HS3ST1: variants seen among roughly 807,000 people sequenced by gnomAD.
HS3ST1 encodes the protein heparan sulfate glucosamine 3-O-sulfotransferase 1.
Under a neutral mutation model 20.7 loss-of-function variants are expected in HS3ST1, and 8 were observed. That is an observed-to-expected ratio of 0.39 (90% CI 0.23 to 0.70). The LOEUF (loss-of-function observed/expected upper bound fraction) is 0.70. Among genes scored for constraint, HS3ST1 ranks in the 30% least tolerant of loss-of-function variants. The pLI is 0.46. For synonymous variants in HS3ST1, 205 were observed against 190.4 expected (o/e 1.08, Z -0.63); for missense variants, 436 against 423.4 (o/e 1.03, Z -0.26).
At chr4:11,421,450 A>G (rs906236577) in intron 1 of HS3ST1, among the ~76,000 whole-genome samples, 1 of 152,224 alleles carries the variant, frequency 6.6e-6, no homozygotes, top group Non-Finnish European at 1.5e-5. Context: ...GCCCACTCTC[A>G]TTCCCTGCCA....
rs1012284991 is a variant in HS3ST1, at chr4:11,396,291, G to C, written c.*2791C>G. On this transcript the variant is annotated 3_prime_UTR_variant, in exon 2 of 2. Transcript: ENST00000002596. ...CAACCCTATCTGATTCCAGGAGGAAGGGAAAGGGAAGGGGCTGTTCTGACT... is the reference window on the plus strand; with the variant it reads ...CAACCCTATCTGATTCCAGGAGGAACGGAAAGGGAAGGGGCTGTTCTGACT... The C allele has an allele frequency of 1.3e-5, 2 of 152,292 alleles. No homozygotes were observed. The highest frequency in any genetic ancestry group is 2.9e-5 in the Non-Finnish European group (2 of 68,094). 9.4% of individuals were successfully genotyped at this position (152,292 alleles called of 1,614,324 possible). A position where few individuals can be genotyped will look rare whatever the true frequency, so the allele number is the denominator to read the frequency against.
intron 1 of HS3ST1, among the ~76,000 whole-genome samples, chr4:11,426,487 C>G (rs921655879): frequency 1.3e-5 from 2 of 151,826 alleles, no homozygotes; most frequent in Non-Finnish European, 2.9e-5. Flanking sequence ...CTAGACATAA[C>G]CACAGGAAAG....
chr4:11,401,154 TG>T (rs111269937), intron 1 of HS3ST1, among the ~76,000 whole-genome samples: 49 of 152,304 alleles, frequency 3.2e-4, no homozygotes, highest in African/African-American at 1.2e-3. Flanking sequence ...CTAAAATAAT[TG>T]GGGATGGTTT....
chr4:11,400,028 C>G lies in HS3ST1; in HGVS notation c.-23G>C, dbSNP rs1405701411. ...CATGCTGGACACCACGGTGGCTTCACTGGGCCGCGCGCCGCTGGGTCATGA... is the reference window on the plus strand; with the variant it reads ...CATGCTGGACACCACGGTGGCTTCAGTGGGCCGCGCGCCGCTGGGTCATGA... On this transcript the variant is annotated 5_prime_UTR_variant, in exon 2 of 2. Coordinates refer to ENST00000002596, the MANE Select transcript of HS3ST1 (RefSeq NM_005114.4). 1.5e-5 allele frequency: 22 copies of G among 1,471,684 alleles called. No individual in the cohort carries two copies. The highest frequency in any genetic ancestry group is 2.0e-5 in the Non-Finnish European group (22 of 1,114,678). 91.2% of individuals were successfully genotyped at this position (1,471,684 alleles called of 1,614,324 possible).
At chr4:11,414,724 A>G (rs532063624) in intron 1 of HS3ST1, among the ~76,000 whole-genome samples, 1 of 152,306 alleles carries the variant, frequency 6.6e-6, no homozygotes, top group South Asian at 2.1e-4. Flanking sequence ...AAGCTTTGGA[A>G]ATTGTGTTGA....
chr4:11,398,828 T>A lies in HS3ST1; in HGVS notation c.*254A>T. ...AATCTTTTTTTTTTTTTCAGTGAAA[T>A]AGTTTAGTTCCTTCATATAGAGACA... On this transcript the variant is annotated 3_prime_UTR_variant, in exon 2 of 2. Transcript: ENST00000002596. 1 of 300,056 alleles carries A rather than the reference T, an allele frequency of 3.3e-6. No individual in the cohort carries two copies. The highest frequency in any genetic ancestry group is 6.0e-6 in the Non-Finnish European group (1 of 166,612). 18.6% of individuals were successfully genotyped at this position (300,056 alleles called of 1,614,324 possible).
rs558315073 is a variant in HS3ST1, at chr4:11,417,650, C to A, written c.-109+11049G>T. 5.2e-3 allele frequency among the ~76,000 whole-genome samples: 784 copies of A among 152,068 alleles called. 9 individuals carry two copies. The highest frequency in any genetic ancestry group is 0.018 in the African/African-American group (744 of 41,478). ...GAACATTCTGAATTATGGGACTGGG[C>A]AATAACCTAATTATATTCGTGTTTT... On this transcript the variant is annotated intron_variant, in intron 1 of 1. Transcript: ENST00000002596.
chr4:11,406,093 C>G (rs1718456420), intron 1 of HS3ST1, among the ~76,000 whole-genome samples: 1 of 152,158 alleles, frequency 6.6e-6, no homozygotes, highest in Non-Finnish European at 1.5e-5. Context: ...AGCATACAAC[C>G]ACAATTCACT....
intron 1 of HS3ST1, among the ~76,000 whole-genome samples, chr4:11,409,095 A>T (rs1226310193): frequency 1.3e-5 from 2 of 152,232 alleles, no homozygotes; most frequent in Admixed American, 1.3e-4. Context: ...AAGAACCCCA[A>T]GGTCAGGCCT....
rs574729521 is a variant in HS3ST1, at chr4:11,422,294, G to T, written c.-109+6405C>A. Among the ~76,000 whole-genome samples the T allele has an allele frequency of 3.3e-5, 5 of 152,242 alleles. No individual in the cohort carries two copies. The South Asian group carries it at 6.2e-4, about 19-fold the overall frequency. On this transcript the variant is annotated intron_variant, in intron 1 of 1. Coordinates refer to ENST00000002596, the MANE Select transcript of HS3ST1 (RefSeq NM_005114.4). ...CCTAACTCCCCCAGACAGAAATGCC[G>T]CCTGTTTCTTCTTTTCTGAGCAATA...
intron 1 of HS3ST1, among the ~76,000 whole-genome samples, chr4:11,419,389 G>A (rs138859715): frequency 0.013 from 2,000 of 152,252 alleles, 24 homozygotes; most frequent in Middle Eastern, 0.024. Flanking sequence ...TTTAGTTTGT[G>A]ACACCGCATG....
At chr4:11,432,031 G>A (rs895409175), upstream of HS3ST1, among the ~76,000 whole-genome samples, 1 of 152,296 alleles carries the variant, frequency 6.6e-6, no homozygotes, top group African/African-American at 2.4e-5. Flanking sequence ...AGAGGAGGAA[G>A]CTACCCTTCC....
Position 11,399,694 on chromosome 4 carries a change from G to A in HS3ST1, c.312C>T (p.Leu104=), listed in dbSNP as rs375593864. The A allele has an allele frequency of 5.1e-5, 82 of 1,613,862 alleles. No homozygotes were observed. The African/African-American group carries it at 9.5e-4, about 19-fold the overall frequency. The change falls in exon 2 of 2, where the codon CTC becomes CTT. Residue 104 remains leucine, a synonymous_variant. Coordinates refer to ENST00000002596, the MANE Select transcript of HS3ST1 (RefSeq NM_005114.4). This position sits in a 1 kb window ranked among gnomAD's most constrained non-coding sequence, Gnocchi z 5.1. The stretch of plus-strand genomic sequence containing the variant: ...GTGGCCAGGAGAAGGGCATCTGGCT[G>A]AGGTACCAGCCCAAGCCGTGGCTGT... ...EHYSHGLGWY[L]SQMPFSWPHQ... is the part of the protein sequence containing the mutation.
intron 1 of HS3ST1, among the ~76,000 whole-genome samples, chr4:11,424,382 T>C (rs1560238026): frequency 6.6e-6 from 1 of 152,234 alleles, no homozygotes; most frequent in Non-Finnish European, 1.5e-5. Flanking sequence ...CCAGTAGATA[T>C]TATTCTAACG....
chr4:11,410,914 TAA>T (rs1382107309), intron 1 of HS3ST1, among the ~76,000 whole-genome samples: 1 of 151,642 alleles, frequency 6.6e-6, no homozygotes, highest in Non-Finnish European at 1.5e-5. Context: ...AATAAATAAA[TAA>T]ATAAAAAAGT....
chr4:11,421,180 C>T (rs1347562537), intron 1 of HS3ST1, among the ~76,000 whole-genome samples: 1 of 152,128 alleles, frequency 6.6e-6, no homozygotes, highest in Non-Finnish European at 1.5e-5. Context: ...TCAATCCTCA[C>T]TAGAGTATGG....
intron 1 of HS3ST1, among the ~76,000 whole-genome samples, chr4:11,410,694 C>T (rs985137438): frequency 6.6e-6 from 1 of 152,036 alleles, no homozygotes. Flanking sequence ...GAGTTCAAGA[C>T]CAGCCGGTCA....
intron 1 of HS3ST1, among the ~76,000 whole-genome samples, chr4:11,409,819 A>T (rs949324925): frequency 6.6e-6 from 1 of 152,142 alleles, no homozygotes; most frequent in African/African-American, 2.4e-5. Context: ...AGTGACATCT[A>T]TGTATGAAGC....
At chr4:11,407,923 A>G (rs1011144179) in intron 1 of HS3ST1, among the ~76,000 whole-genome samples, 2 of 152,190 alleles carry the variant, frequency 1.3e-5, no homozygotes, top group East Asian at 1.9e-4. Flanking sequence ...GTGGGTGCCA[A>G]TTCAGATTCT....
Sources: gnomAD v4.1 joint callset for allele counts (sites outside exome capture counted in the v4.1 genomes callset) on GRCh38, gnomAD v4.1.1 for gene constraint, Gnocchi (gnomAD v3.1) non-coding constraint, MANE v1.5 for transcripts, NCBI Gene and HGNC (gene_info 2026-07-23, HGNC 2026-07-21) for gene names.